PGM2: variants seen among roughly 807,000 people sequenced by gnomAD.
The protein encoded by PGM2 is phosphopentomutase.
Under a neutral mutation model 74.6 loss-of-function variants are expected in PGM2, and 57 were observed. The observed-to-expected ratio is 0.76, with a 90% CI of 0.62 to 0.95. PGM2 has a LOEUF of 0.95. Ranked by LOEUF, PGM2 falls within the 40% of genes least tolerant of loss-of-function variation. The pLI is 0.00. For missense variants in PGM2, 706 were observed against 741.9 expected (o/e 0.95, Z 0.56); for synonymous variants, 273 against 260.7 (o/e 1.05, Z -0.46).
intron 6 of PGM2, among the ~76,000 whole-genome samples, chr4:37,841,829 GGTGTGTGCGCGCGTGCATGCACGTGCAT>G (rs1276448595): frequency 4.6e-5 from 7 of 152,204 alleles, no homozygotes; most frequent in Admixed American, 6.5e-5. Context: ...TATGTGTGTG[GGTGTGTGCGCGCGTGCATGCACGTGCAT>G]GTGTGTGCGC....
rs925325276 is a variant in PGM2 at position 37,862,330 on chromosome 4, C to A, written c.*718C>A. The stretch of plus-strand genomic sequence containing the variant: ...TTGTTTACTTGAAACTTGAAAGTAG[C>A]ATATTTTTCTGTTTTTTGGTTGTTT... On this transcript the variant is annotated 3_prime_UTR_variant, in exon 14 of 14. Coordinates refer to ENST00000381967, the MANE Select transcript of PGM2 (RefSeq NM_018290.4). 2.0e-4 allele frequency: 31 copies of A among 152,196 alleles called. No homozygotes were observed. The highest frequency in any genetic ancestry group is 1.6e-3 in the Admixed American group (25 of 15,260). The allele number at this position is 152,196 out of a possible 1,614,324, so 9.4% of individuals were successfully genotyped here.
chr4:37,831,142 G>A (rs562535540), intron 2 of PGM2, among the ~76,000 whole-genome samples: 4 of 138,700 alleles, frequency 2.9e-5, no homozygotes, highest in African/African-American at 5.4e-5. Context: ...GTAGTGAGCC[G>A]ACATTGTGCC....
chr4:37,855,235 C>T (rs1302959410), intron 12 of PGM2, among the ~76,000 whole-genome samples: 1 of 150,838 alleles, frequency 6.6e-6, no homozygotes, highest in African/African-American at 2.4e-5. Context: ...AACCACTATT[C>T]TGCTCTCTGC....
intron 13 of PGM2, among the ~76,000 whole-genome samples, chr4:37,856,689 C>G (rs73808091): frequency 0.093 from 14,109 of 152,166 alleles, 1,733 homozygotes; most frequent in African/African-American, 0.28. Context: ...TGCCGTTAAC[C>G]AGCATTTCCC....
chr4:37,846,943 G>A lies in PGM2; in HGVS notation c.1020G>A (p.Arg340=), dbSNP rs751953753. The A allele has an allele frequency of 1.9e-6, 3 of 1,607,670 alleles. No homozygotes were observed. Among genetic ancestry groups the A allele is most frequent in the Admixed American group, 3.4e-5 (2 of 58,620 alleles). The change falls in exon 9 of 14, where the codon AGG becomes AGA. Residue 340 remains arginine (R), a synonymous_variant. Coordinates refer to ENST00000381967, the MANE Select transcript of PGM2 (RefSeq NM_018290.4). ...TTTTTTCTTTCAGTGGTGAATGGAGGGTGTTTTCAGGCAATGAGTTGGGGG... is the reference window on the plus strand; with the variant it reads ...TTTTTTCTTTCAGTGGTGAATGGAGAGTGTTTTCAGGCAATGAGTTGGGGG... ...VAEKQDSGEW[R]VFSGNELGAL...
At chr4:37,836,911 T>C (rs1436367302) in intron 3 of PGM2, among the ~76,000 whole-genome samples, 1 of 151,854 alleles carries the variant, frequency 6.6e-6, no homozygotes, top group Non-Finnish European at 1.5e-5. Context: ...CAGGATGTCT[T>C]TATATTTCAA....
At chr4:37,855,922 C>A (rs1726180789) in intron 13 of PGM2, among the ~76,000 whole-genome samples, 181 bp downstream of exon 13, 1 of 152,308 alleles carries the variant, frequency 6.6e-6, no homozygotes, top group African/African-American at 2.4e-5. Flanking sequence ...GAAAAGCTTA[C>A]TTTTTACTTT....
rs1244894872 is a variant in PGM2 at position 37,840,980 on chromosome 4, A to G, written c.719+721A>G. On this transcript the variant is annotated intron_variant, in intron 6 of 13. Coordinates refer to ENST00000381967, the MANE Select transcript of PGM2 (RefSeq NM_018290.4). Reference sequence around the variant, plus strand: ...TGTGTGTGTGTATATATATATATATATATGTATGTTTTTAAAACTTGCTCA... The same window carrying G: ...TGTGTGTGTGTATATATATATATATGTATGTATGTTTTTAAAACTTGCTCA... Among the ~76,000 whole-genome samples the G allele has an allele frequency of 8.0e-4, 114 of 142,934 alleles. 1 individual carries two copies. The highest frequency in any genetic ancestry group is 2.8e-3 in the African/African-American group (105 of 38,156). 93.8% of individuals were successfully genotyped at this position (142,934 alleles called of 152,430 possible).
At chr4:37,830,297 G>A (rs1725407536) in intron 2 of PGM2, among the ~76,000 whole-genome samples, 166 bp downstream of exon 2, 1 of 152,224 alleles carries the variant, frequency 6.6e-6, no homozygotes, top group African/African-American at 2.4e-5. Context: ...ATAGGTCGAA[G>A]TAGCACTTAT....
chr4:37,851,961 G>GTTTTCTTTCTTTTTTTTTT lies in PGM2; in HGVS notation c.1602+1591_1602+1592insTCTTTCTTTTTTTTTTTTT, dbSNP rs1430228977. ...ATTGTATTTCCTGTACCTTTTGTTT[G>GTTTTCTTTCTTTTTTTTTT]TTTGTTTTCTTTTTTTTTGGAGACA... On this transcript the variant is annotated intron_variant, in intron 12 of 13. Transcript: ENST00000381967. 7.4e-5 allele frequency among the ~76,000 whole-genome samples: 10 copies of GTTTTCTTTCTTTTTTTTTT among 135,332 alleles called. 3 individuals are homozygous for GTTTTCTTTCTTTTTTTTTT. The highest frequency in any genetic ancestry group is 8.4e-5 in the African/African-American group (3 of 35,518). The allele number at this position is 135,332 out of a possible 152,430, so 88.8% of individuals were successfully genotyped here. A position where few individuals can be genotyped will look rare whatever the true frequency, so the allele number is the denominator to read the frequency against.
chr4:37,860,278 C>A (rs1711722286), intron 13 of PGM2, among the ~76,000 whole-genome samples: 1 of 152,166 alleles, frequency 6.6e-6, no homozygotes, highest in African/African-American at 2.4e-5. Context: ...TGATATAATT[C>A]ATATGTACTT....
chr4:37,861,523 C>A lies in PGM2; in HGVS notation c.1750C>A (p.Leu584Met). The A allele has an allele frequency of 6.2e-7, 1 of 1,610,598 alleles. No individual in the cohort carries two copies. Among genetic ancestry groups the A allele is most frequent in the Non-Finnish European group, 8.5e-7 (1 of 1,177,156 alleles). Residue 584 changes from leucine (L) to methionine (M), a missense_variant, in exon 14 of 14, where the codon CTG (leucine) becomes ATG (methionine). This residue lies in a region of PGM2 where 359 missense variants were observed against 371.1 expected (regional missense o/e 0.97). Coordinates refer to ENST00000381967, the MANE Select transcript of PGM2 (RefSeq NM_018290.4). ...CTTATTTTCCAGTGATCCTGAGCAGCTGAAGAAGGAACTGAATGAACTGGT... is the reference window on the plus strand; with the variant it reads ...CTTATTTTCCAGTGATCCTGAGCAGATGAAGAAGGAACTGAATGAACTGGT... ...APPGNSDPEQLKKELNELVSA... is the reference protein window; with the variant it reads ...APPGNSDPEQMKKELNELVSA...
chr4:37,855,540 G>T, intron 12 of PGM2, 68 bp from the exon 13 acceptor site: 6 of 1,360,644 alleles, frequency 4.4e-6, no homozygotes, highest in African/African-American at 1.5e-5. Context: ...TCTTACTTAT[G>T]CAAGAGAAGA....
At chr4:37,830,894 G>T (rs145951668) in intron 2 of PGM2, among the ~76,000 whole-genome samples, 1 of 152,018 alleles carries the variant, frequency 6.6e-6, no homozygotes, top group Non-Finnish European at 1.5e-5. Flanking sequence ...TTATCTAAGG[G>T]TATAGAATTA....
chr4:37,846,671 G>T (rs1054199841), intron 8 of PGM2, among the ~76,000 whole-genome samples: 1 of 152,204 alleles, frequency 6.6e-6, no homozygotes, highest in African/African-American at 2.4e-5. Flanking sequence ...TGTCATGTGT[G>T]ACATACTTAT....
At chr4:37,829,887 G>A (rs1328143491) in intron 1 of PGM2, 77 bp from the exon 2 acceptor site, 1 of 670,266 alleles carries the variant, frequency 1.5e-6, no homozygotes, top group African/African-American at 1.8e-5. Flanking sequence ...CTATAGATTA[G>A]AATGATTGTG....
intron 13 of PGM2, among the ~76,000 whole-genome samples, chr4:37,858,783 C>A (rs189401182): frequency 6.6e-6 from 1 of 152,172 alleles, no homozygotes; most frequent in Admixed American, 6.6e-5. Flanking sequence ...AAATCCTTTT[C>A]AAGTATGTGC....
chr4:37,831,716 G>A (rs886345874), intron 2 of PGM2, among the ~76,000 whole-genome samples: 2 of 152,158 alleles, frequency 1.3e-5, no homozygotes, highest in South Asian at 2.1e-4. Context: ...CTTTTATGAC[G>A]TAGCTTTGAA....
chr4:37,827,617 C>G (rs1310489534), intron 1 of PGM2, among the ~76,000 whole-genome samples: 1 of 152,104 alleles, frequency 6.6e-6, no homozygotes, highest in Non-Finnish European at 1.5e-5. Flanking sequence ...CCTTCCTTGG[C>G]TCCGAAGCGT....
Sources: allele counts gnomAD v4.1 joint callset (sites outside exome capture counted in the v4.1 genomes callset), GRCh38; gene constraint gnomAD v4.1.1; regional missense constraint gnomAD v4.1.1; transcripts MANE v1.5; gene names NCBI Gene and HGNC (gene_info 2026-07-23, HGNC 2026-07-21).